SDC4: variants seen among roughly 807,000 people sequenced by gnomAD.
SDC4 encodes the protein syndecan-4.
A neutral mutation model predicts 20.5 loss-of-function variants in SDC4; 17 were observed. That is an observed-to-expected ratio of 0.83 (90% CI 0.57 to 1.25). The LOEUF (loss-of-function observed/expected upper bound fraction) is 1.25. Ranked by LOEUF, SDC4 falls within the 50% of genes most tolerant of loss-of-function variation. The pLI is 0.00. For synonymous variants in SDC4, 107 were observed against 105.3 expected, an observed-to-expected ratio of 1.02 and a Z score of -0.10; for missense variants, 241 against 252.3, an observed-to-expected ratio of 0.96 and a Z score of 0.30.
intron 4 of SDC4, among the ~76,000 whole-genome samples, chr20:45,328,550 T>C (rs1987729744): frequency 6.6e-6 from 1 of 152,012 alleles, no homozygotes; most frequent in Admixed American, 6.5e-5. Context: ...ACCTGCCTAG[T>C]GTTGGGCAGA....
chr20:45,345,219 G>C (rs575345358), intron 1 of SDC4: 1 of 152,232 alleles, frequency 6.6e-6, no homozygotes, highest in Non-Finnish European at 1.5e-5. Flanking sequence ...CCTGCCCTCA[G>C]TGTGCGGGGG....
chr20:45,330,269 G>A, intron 4 of SDC4, 97 bp downstream of exon 4: 1 of 1,089,730 alleles, frequency 9.2e-7, no homozygotes, highest in Non-Finnish European at 1.4e-6. Flanking sequence ...GGGCACCAAG[G>A]AGCCTCATGG....
chr20:45,325,821 CTT>C lies in SDC4; in HGVS notation c.*1441_*1442del, dbSNP rs1158347911. On this transcript the variant is annotated 3_prime_UTR_variant, in exon 5 of 5. Coordinates refer to ENST00000372733, the MANE Select transcript of SDC4 (RefSeq NM_002999.4). ...TGCAACTGAGGAAGGAATTTTTAAT[CTT>C]ATGTGATTTTAATTGGCTTAACTTT... 1.3e-5 allele frequency: 2 copies of C among 152,440 alleles called. No individual in the cohort carries two copies. Among genetic ancestry groups the C allele is most frequent in the African/African-American group, 4.8e-5 (2 of 41,438 alleles). The allele number at this position is 152,440 out of a possible 1,614,324, so 9.4% of individuals were successfully genotyped here. A position where few individuals can be genotyped will look rare whatever the true frequency, so the allele number is the denominator to read the frequency against.
At chr20:45,333,977 A>C (rs1475163794) in intron 2 of SDC4, among the ~76,000 whole-genome samples, 2 of 144,268 alleles carry the variant, frequency 1.4e-5, no homozygotes, top group Non-Finnish European at 3.0e-5. Flanking sequence ...GTAGAATTTC[A>C]GGGCTGACTG....
chr20:45,342,861 C>G (rs1423874664), intron 1 of SDC4, among the ~76,000 whole-genome samples: 2 of 152,178 alleles, frequency 1.3e-5, no homozygotes, highest in African/African-American at 4.8e-5. Flanking sequence ...TGCACAGACA[C>G]CACCTCCCCA....
chr20:45,346,514 G>A (rs1313686551), intron 1 of SDC4, among the ~76,000 whole-genome samples: 3 of 152,220 alleles, frequency 2.0e-5, no homozygotes, highest in Non-Finnish European at 2.9e-5. Context: ...AGCACCTGAA[G>A]GCTCAGCAGC....
intron 3 of SDC4, among the ~76,000 whole-genome samples, chr20:45,331,955 A>C (rs1437371538): frequency 6.6e-6 from 1 of 152,180 alleles, no homozygotes; most frequent in Non-Finnish European, 1.5e-5. Flanking sequence ...TAAACTTGTT[A>C]TTGCTTTGCA....
intron 1 of SDC4, among the ~76,000 whole-genome samples, chr20:45,342,998 C>T (rs1264698732): frequency 2.0e-5 from 3 of 152,148 alleles, no homozygotes; most frequent in Non-Finnish European, 4.4e-5. Flanking sequence ...CACTGGAGTT[C>T]ACATCAACAA....
intron 1 of SDC4, among the ~76,000 whole-genome samples, chr20:45,342,320 G>A (rs758541438): frequency 6.6e-6 from 1 of 152,134 alleles, no homozygotes; most frequent in African/African-American, 2.4e-5. Flanking sequence ...AGACGGCTCC[G>A]GCAGGGCTTC....
Position 45,333,775 on chromosome 20 carries a change from A to C in SDC4, c.200-706T>G, listed in dbSNP as rs193033919. ...TAACATCTTTCCATTACAATGCTTA[A>C]AGAGTTACATTATTATTTTAATTAC... is the stretch of plus-strand genomic sequence containing the variant. On this transcript the variant is annotated intron_variant, in intron 2 of 4. Coordinates refer to ENST00000372733, the MANE Select transcript of SDC4 (RefSeq NM_002999.4). 2.1e-3 allele frequency among the ~76,000 whole-genome samples: 322 copies of C among 152,328 alleles called. 2 individuals are homozygous for C. The highest frequency in any genetic ancestry group is 7.4e-3 in the African/African-American group (306 of 41,566).
intron 4 of SDC4, 117 bp from the exon 5 acceptor site, chr20:45,327,532 C>T: frequency 8.4e-7 from 1 of 1,184,420 alleles, no homozygotes. Context: ...ACCATCACCA[C>T]TGCCTGTGCC....
intron 3 of SDC4, among the ~76,000 whole-genome samples, chr20:45,332,260 A>C (rs560085356): frequency 1.5e-4 from 23 of 151,320 alleles, no homozygotes; most frequent in Middle Eastern, 6.8e-3. Flanking sequence ...GGTTCAAGCG[A>C]TCCTCCTACC....
chr20:45,333,049 T>A lies in SDC4; in HGVS notation c.220A>T (p.Ile74Phe). 15 of 1,614,188 alleles carry A rather than the reference T, an allele frequency of 9.3e-6. No homozygotes were observed. The highest frequency in any genetic ancestry group is 1.2e-5 in the Non-Finnish European group (14 of 1,180,028). ...AAGGGATGGACAACTTCAGGGCCGA[T>A]CATGGAGTCTTCCAAGTCATCTGTA... ...GDLDDLEDSMIGPEVVHPLVP... is the reference protein window; with the variant it reads ...GDLDDLEDSMFGPEVVHPLVP... Residue 74 changes from isoleucine (I) to phenylalanine (F), a missense_variant, in exon 3 of 5, where the codon ATC becomes TTC. By Grantham distance (21) the Ile-to-Phe change is conservative. Coordinates refer to ENST00000372733, the MANE Select transcript of SDC4 (RefSeq NM_002999.4).
rs956031972 is a variant in SDC4 at position 45,329,773 on chromosome 20, G to A, written c.445+593C>T. ...CACCTGGGACAAAGCATTCCTCACCGCACATTCCAGTAAAGAACTCTCAAC... is the reference window on the plus strand; with the variant it reads ...CACCTGGGACAAAGCATTCCTCACCACACATTCCAGTAAAGAACTCTCAAC... On this transcript the variant is annotated intron_variant, in intron 4 of 4. Transcript: ENST00000372733. Among the ~76,000 whole-genome samples the A allele has an allele frequency of 2.5e-4, 21 of 83,868 alleles. No individual in the cohort carries two copies. The South Asian group carries it at 3.0e-3, about 12-fold the overall frequency. The allele number at this position is 83,868 out of a possible 152,430, so 55.0% of individuals were successfully genotyped here. A position where few individuals can be genotyped will look rare whatever the true frequency, so the allele number is the denominator to read the frequency against.
At chr20:45,340,965 G>GTGCA (rs1297896285) in intron 1 of SDC4, among the ~76,000 whole-genome samples, 1 of 152,238 alleles carries the variant, frequency 6.6e-6, no homozygotes, top group African/African-American at 2.4e-5. Context: ...CAGAGTGGTT[G>GTGCA]TGCATCAAGG....
chr20:45,333,655 C>A (rs766398104), intron 2 of SDC4, among the ~76,000 whole-genome samples: 1 of 152,174 alleles, frequency 6.6e-6, no homozygotes, highest in African/African-American at 2.4e-5. Context: ...GGCGACAGAA[C>A]AAGACTCCGT....
intron 1 of SDC4, among the ~76,000 whole-genome samples, chr20:45,342,757 A>G (rs900239598): frequency 6.6e-6 from 1 of 152,236 alleles, no homozygotes; most frequent in Non-Finnish European, 1.5e-5. Context: ...TGCTGAGATC[A>G]GAGTGACCTT....
At chr20:45,334,723 G>A (rs6065806) in intron 2 of SDC4, among the ~76,000 whole-genome samples, 110,861 of 151,494 alleles carry the variant, frequency 0.73, 40,822 homozygotes, top group East Asian at 0.94. Flanking sequence ...TCCTGACCTC[G>A]TGATCTGCCT....
At chr20:45,347,304 G>A (rs143979039) in intron 1 of SDC4, among the ~76,000 whole-genome samples, 1,761 of 152,264 alleles carry the variant, frequency 0.012, 29 homozygotes, top group African/African-American at 0.04. Flanking sequence ...CTGAAAACTG[G>A]GGCTAAAGGG....
Sources: allele counts gnomAD v4.1 joint callset (sites outside exome capture counted in the v4.1 genomes callset), GRCh38; gene constraint gnomAD v4.1.1; transcripts MANE v1.5; gene names NCBI Gene and HGNC (gene_info 2026-07-23, HGNC 2026-07-21).